Variants in CACNA1C observed in about 807,000 individuals in gnomAD.
CACNA1C encodes voltage-dependent L-type calcium channel subunit alpha-1C.
CACNA1C carries 30 observed loss-of-function variants against 229.0 expected under a neutral mutation model. That is an observed-to-expected ratio of 0.13 (90% confidence interval 0.10 to 0.18). The LOEUF (loss-of-function observed/expected upper bound fraction) is 0.18. Ranked by LOEUF, CACNA1C falls within the 10% of genes least tolerant of loss-of-function variation. CACNA1C has a pLI of 1.00. For missense variants in CACNA1C, 1,658 were observed against 2,845.0 expected (o/e 0.58, Z 9.49); for synonymous variants, 1,114 against 1,132.5 (o/e 0.98, Z 0.33).
rs2095887630 is a variant in CACNA1C, at chr12:2,319,920, G to A, written c.478-129056G>A. Among the ~76,000 whole-genome samples, 1 of 152,066 alleles carries A rather than the reference G, an allele frequency of 6.6e-6. No homozygotes were observed. Among genetic ancestry groups the A allele is most frequent in the Non-Finnish European group, 1.5e-5 (1 of 67,970 alleles). Reference sequence around the variant, plus strand: ...AGGGAAAATGCACATCCTTCCCAGAGCTGAGGAAGCCCCATGAGCTATTCT... The same window carrying A: ...AGGGAAAATGCACATCCTTCCCAGAACTGAGGAAGCCCCATGAGCTATTCT... On this transcript the variant is annotated intron_variant, in intron 3 of 46. Coordinates refer to ENST00000399655, the MANE Select transcript of CACNA1C (RefSeq NM_000719.7). This position sits in a 1 kb window ranked among gnomAD's most constrained non-coding sequence, Gnocchi z 4.0.
chr12:2,073,517 C>A (rs1282701833), intron 1 of CACNA1C, among the ~76,000 whole-genome samples: 1 of 152,134 alleles, frequency 6.6e-6, no homozygotes, highest in Non-Finnish European at 1.5e-5. Context: ...CCCTCCAGGC[C>A]AACTTTGCCA....
At chr12:1,993,317 T>C (rs1335028335) in intron 1 of CACNA1C, 5 of 1,614,002 alleles carry the variant, frequency 3.1e-6, no homozygotes, top group Non-Finnish European at 4.2e-6. Context: ...ATCCAAGTCT[T>C]TAGTAATAGG....
rs186382631 is a variant in CACNA1C at position 2,170,699 on chromosome 12, A to G, written c.477+50269A>G. ...TGGGCTGGTAGGCCATGGAGTGGGGACCTGAGCTGTTTCCTTCTGCCTGTG... is the reference window on the plus strand; with the variant it reads ...TGGGCTGGTAGGCCATGGAGTGGGGGCCTGAGCTGTTTCCTTCTGCCTGTG... On this transcript the variant is annotated intron_variant, in intron 3 of 46. Coordinates refer to ENST00000399655, the MANE Select transcript of CACNA1C (RefSeq NM_000719.7). Among the ~76,000 whole-genome samples the G allele has an allele frequency of 4.9e-4, 75 of 152,240 alleles. No homozygotes were observed. In the East Asian group the frequency reaches 0.014, roughly 29 times the overall value.
intron 13 of CACNA1C, among the ~76,000 whole-genome samples, chr12:2,577,135 G>A (rs1415202627): frequency 1.3e-5 from 2 of 149,676 alleles, no homozygotes; most frequent in Non-Finnish European, 2.9e-5. Flanking sequence ...CTTTCTCTCT[G>A]TTGAATGGGA....
intron 3 of CACNA1C, among the ~76,000 whole-genome samples, chr12:2,352,309 C>G (rs973869884): frequency 2.6e-5 from 4 of 152,174 alleles, no homozygotes; most frequent in African/African-American, 9.7e-5. Context: ...TATGGTGAGA[C>G]CTCAATTGAC....
intron 1 of CACNA1C, among the ~76,000 whole-genome samples, chr12:2,073,618 G>A (rs919966877): frequency 6.6e-6 from 1 of 152,220 alleles, no homozygotes; most frequent in African/African-American, 2.4e-5. Context: ...TCAGAGGGCG[G>A]CTGGAATCAA....
In CACNA1C at chr12:2,602,421, G is replaced by C. The variant is rs2072930141; in HGVS notation, c.2960+461G>C. On this transcript the variant is annotated intron_variant, in intron 22 of 46. Transcript: ENST00000399655. This position sits in a 1 kb window ranked among gnomAD's most constrained non-coding sequence, Gnocchi z 4.4. The stretch of plus-strand genomic sequence containing the variant: ...TGTGAATGTGTGTATATATATGTCT[G>C]TGTAAGTGTGGGGTGTATGTGTGCA... Among the ~76,000 whole-genome samples, 1 of 152,090 alleles carries C rather than the reference G, an allele frequency of 6.6e-6. No homozygotes were observed. The highest frequency in any genetic ancestry group is 2.4e-5 in the African/African-American group (1 of 41,400).
intron 3 of CACNA1C, among the ~76,000 whole-genome samples, chr12:2,435,771 G>GCA (rs1332700929): frequency 6.6e-6 from 1 of 152,222 alleles, no homozygotes; most frequent in Non-Finnish European, 1.5e-5. Context: ...ACTATACAAT[G>GCA]CACTGTGGAT....
chr12:2,507,307 G>A (rs990399630), intron 8 of CACNA1C, among the ~76,000 whole-genome samples: 4 of 152,080 alleles, frequency 2.6e-5, no homozygotes, highest in Admixed American at 6.5e-5. Context: ...GTGTATGGGC[G>A]AGCACCTCCC....
At chr12:2,309,172 A>G (rs2095279545) in intron 3 of CACNA1C, among the ~76,000 whole-genome samples, 1 of 152,206 alleles carries the variant, frequency 6.6e-6, no homozygotes, top group African/African-American at 2.4e-5. Flanking sequence ...AAAAGAAGGA[A>G]ATCCTGCCCT....
intron 32 of CACNA1C, among the ~76,000 whole-genome samples, chr12:2,652,181 G>A (rs1245839288): frequency 3.3e-5 from 5 of 152,096 alleles, no homozygotes; most frequent in South Asian, 2.1e-4. Flanking sequence ...TCTGGCCATC[G>A]CCCTCCTCCC....
intron 1 of CACNA1C, among the ~76,000 whole-genome samples, chr12:2,077,457 C>T (rs2063641211): frequency 6.6e-6 from 1 of 151,818 alleles, no homozygotes; most frequent in African/African-American, 2.4e-5. Flanking sequence ...TTGGGATTTG[C>T]AAGTAAAAAT....
intron 3 of CACNA1C, among the ~76,000 whole-genome samples, chr12:2,448,734 T>G (rs747374639): frequency 1.3e-5 from 2 of 149,662 alleles, no homozygotes; most frequent in Non-Finnish European, 3.0e-5. Flanking sequence ...AGTCTAATAT[T>G]TACATGTTCA....
chr12:2,057,088 A>G (rs2055289804), intron 1 of CACNA1C, among the ~76,000 whole-genome samples: 1 of 152,220 alleles, frequency 6.6e-6, no homozygotes, highest in Non-Finnish European at 1.5e-5. Flanking sequence ...TGTAAATGAA[A>G]TGATGAGCCG....
In CACNA1C at chr12:2,285,783, A is replaced by G. The variant is rs1286048311; in HGVS notation, c.478-163193A>G. Among the ~76,000 whole-genome samples, 1 of 152,100 alleles carries G rather than the reference A, an allele frequency of 6.6e-6. No homozygotes were observed. Among genetic ancestry groups the G allele is most frequent in the African/African-American group, 2.4e-5 (1 of 41,392 alleles). On this transcript the variant is annotated intron_variant, in intron 3 of 46. Coordinates refer to ENST00000399655, the MANE Select transcript of CACNA1C (RefSeq NM_000719.7). This position sits in a 1 kb window ranked among gnomAD's most constrained non-coding sequence, Gnocchi z 4.2. ...GAGAGAGGCTGGTGCGCACCTACCC[A>G]GCGGCTTTTTGGGCGGCAGTGGAAG...
intron 9 of CACNA1C, among the ~76,000 whole-genome samples, chr12:2,519,498 A>G (rs939029658): frequency 2.0e-5 from 3 of 152,204 alleles, no homozygotes; most frequent in East Asian, 3.8e-4. Context: ...TTGCTTTCCA[A>G]TAGCCCTCAG....
At chr12:2,165,158 AG>A (rs746347762) in intron 3 of CACNA1C, among the ~76,000 whole-genome samples, 5 of 152,226 alleles carry the variant, frequency 3.3e-5, no homozygotes, top group Non-Finnish European at 5.9e-5. Context: ...CTAGAGTCTT[AG>A]GTTTCTGGTG....
At chr12:2,419,622 T>C (rs757384924) in intron 3 of CACNA1C, among the ~76,000 whole-genome samples, 21 of 152,226 alleles carry the variant, frequency 1.4e-4, no homozygotes, top group Non-Finnish European at 2.5e-4. Context: ...CAGTCCAGAA[T>C]GTTCCAAATA....
intron 11 of CACNA1C, among the ~76,000 whole-genome samples, chr12:2,562,953 TCTC>T (rs1398803690): frequency 1.1e-4 from 16 of 152,226 alleles, no homozygotes; most frequent in Non-Finnish European, 2.1e-4. Flanking sequence ...ACCATCCTTC[TCTC>T]CTATGTTGTA....
Sources: allele counts gnomAD v4.1 joint callset (sites outside exome capture counted in the v4.1 genomes callset), GRCh38; gene constraint gnomAD v4.1.1; non-coding constraint Gnocchi (gnomAD v3.1); transcripts MANE v1.5; gene names NCBI Gene and HGNC (gene_info 2026-07-23, HGNC 2026-07-21).